The following CPEB1 variants were observed in gnomAD, a reference collection of about 807,000 sequenced individuals.
CPEB1 encodes cytoplasmic polyadenylation element binding protein 1, also known as cytoplasmic polyadenylation element-binding protein 1.
CPEB1 carries 7 observed loss-of-function variants against 65.8 expected under a neutral mutation model. That is an observed-to-expected ratio of 0.11 (90% confidence interval 0.06 to 0.20). The LOEUF (loss-of-function observed/expected upper bound fraction) is 0.20, where lower values mean the gene tolerates loss of function less well. Among genes scored for constraint, CPEB1 ranks in the 10% least tolerant of loss-of-function variants. The probability of loss-of-function intolerance (pLI) is 1.00; values close to 1 mark genes in which losing one functional copy is unlikely to be tolerated. For missense variants in CPEB1, 551 were observed against 712.2 expected (o/e 0.77, Z 2.58); for synonymous variants, 262 against 260.0 (o/e 1.01, Z -0.08).
chr15:82,577,034 G>A (rs2040722089), intron 3 of CPEB1, among the ~76,000 whole-genome samples: 1 of 151,986 alleles, frequency 6.6e-6, no homozygotes, highest in Non-Finnish European at 1.5e-5. Flanking sequence ...CCAAAAACAG[G>A]ACTCCATTAA....
intron 1 of CPEB1, among the ~76,000 whole-genome samples, chr15:82,642,054 T>C (rs1212462006): frequency 2.0e-5 from 3 of 152,248 alleles, no homozygotes; most frequent in Non-Finnish European, 4.4e-5. Context: ...ATACATGTTT[T>C]AGTTCAATCT....
chr15:82,577,354 C>T (rs1342923400), intron 3 of CPEB1, among the ~76,000 whole-genome samples: 1 of 151,874 alleles, frequency 6.6e-6, no homozygotes, highest in Non-Finnish European at 1.5e-5. Context: ...CCACTGTGCC[C>T]GACTGCAAAG....
chr15:82,601,160 G>A (rs115015612), intron 3 of CPEB1, among the ~76,000 whole-genome samples: 1,499 of 149,794 alleles, frequency 0.01, 14 homozygotes, highest in African/African-American at 0.011. Context: ...CCCCCACCTC[G>A]ACCTCCCAAA....
chr15:82,546,701 C>G (rs944865325), intron 11 of CPEB1, among the ~76,000 whole-genome samples, 180 bp from the exon 12 acceptor site: 1 of 152,168 alleles, frequency 6.6e-6, no homozygotes, highest in African/African-American at 2.4e-5. Flanking sequence ...GAAAGGAGTT[C>G]TAGAGGACAG....
chr15:82,549,333 G>A (rs996469948), intron 10 of CPEB1, 127 bp downstream of exon 10: 1 of 838,664 alleles, frequency 1.2e-6, no homozygotes, highest in South Asian at 1.6e-5. Context: ...AGATATTATG[G>A]TGCTGGTATA....
Position 82,555,899 on chromosome 15 carries a change from C to T in CPEB1, c.911G>A (p.Arg304Lys), listed in dbSNP as rs766390631. Reference sequence around the variant, plus strand: ...AGCTTGTCGGTGCAGCCTGGCCTCTCTCTCTATGCTGAAGGGGTCTTTGGG... The same window carrying T: ...AGCTTGTCGGTGCAGCCTGGCCTCTTTCTCTATGCTGAAGGGGTCTTTGGG... The part of the protein sequence containing the change: ...EAPKDPFSIE[R>K]EARLHRQAAA... Residue 304 changes from arginine (R) to lysine (K), a missense_variant, in exon 6 of 13, where the codon AGA (arginine) becomes AAA (lysine). Coordinates refer to ENST00000684509, the MANE Select transcript of CPEB1 (RefSeq NM_001365242.1). 6.2e-7 allele frequency: 1 copy of T among 1,613,492 alleles called. No individual in the cohort carries two copies. The highest frequency in any genetic ancestry group is 1.1e-5 in the South Asian group (1 of 90,902).
Position 82,570,208 on chromosome 15 carries a change from C to T in CPEB1, c.460+1136G>A, listed in dbSNP as rs2039800828. 2.6e-5 allele frequency among the ~76,000 whole-genome samples: 4 copies of T among 152,158 alleles called. No individual in the cohort carries two copies. The South Asian group carries it at 8.3e-4, about 32-fold the overall frequency. Reference sequence around the variant, plus strand: ...CTAACAGACACAACGGGCCCAGGCTCTGCAAAGCATTCTAAAAAAAGACCT... The same window carrying T: ...CTAACAGACACAACGGGCCCAGGCTTTGCAAAGCATTCTAAAAAAAGACCT... On this transcript the variant is annotated intron_variant, in intron 4 of 12. Coordinates refer to ENST00000684509, the MANE Select transcript of CPEB1 (RefSeq NM_001365242.1).
intron 3 of CPEB1, among the ~76,000 whole-genome samples, chr15:82,619,828 G>A (rs1433245221): frequency 6.6e-6 from 1 of 152,104 alleles, no homozygotes; most frequent in Non-Finnish European, 1.5e-5. Context: ...ACCACTGGAA[G>A]TGTAAACTGG....
chr15:82,605,327 A>G (rs2043468027), intron 3 of CPEB1, among the ~76,000 whole-genome samples: 2 of 152,178 alleles, frequency 1.3e-5, no homozygotes, highest in Non-Finnish European at 2.9e-5. Flanking sequence ...TACATAGGTA[A>G]ATATAATAGA....
upstream of CPEB1, chr15:82,647,801 T>G: frequency 7.9e-7 from 1 of 1,273,320 alleles, no homozygotes; most frequent in Non-Finnish European, 9.9e-7. Flanking sequence ...CGCGGACCGT[T>G]AGCTACTGCG....
chr15:82,607,859 G>A (rs1399524338), intron 3 of CPEB1, among the ~76,000 whole-genome samples: 3 of 152,118 alleles, frequency 2.0e-5, no homozygotes, highest in South Asian at 4.2e-4. Flanking sequence ...AATGATAGGA[G>A]AAACAGATAC....
intron 3 of CPEB1, among the ~76,000 whole-genome samples, chr15:82,607,101 T>C (rs1160531967): frequency 6.6e-6 from 1 of 151,640 alleles, no homozygotes; most frequent in Admixed American, 6.6e-5. Context: ...AAAGCAGTAA[T>C]GGAAGAATAG....
At chr15:82,614,684 G>A (rs182520688) in intron 3 of CPEB1, among the ~76,000 whole-genome samples, 2 of 151,966 alleles carry the variant, frequency 1.3e-5, no homozygotes, top group East Asian at 3.9e-4. Context: ...ACATGCACCA[G>A]GCCCAATACT....
At chr15:82,575,426 A>G (rs1430867945) in intron 3 of CPEB1, among the ~76,000 whole-genome samples, 1 of 152,198 alleles carries the variant, frequency 6.6e-6, no homozygotes, top group Non-Finnish European at 1.5e-5. Context: ...GGGTTTCTTT[A>G]TGTAGAGTAC....
intron 3 of CPEB1, among the ~76,000 whole-genome samples, chr15:82,619,922 T>A (rs2045137833): frequency 6.6e-6 from 1 of 152,006 alleles, no homozygotes; most frequent in Non-Finnish European, 1.5e-5. Context: ...CCTAGGAAGA[T>A]AACCAAGGGA....
At chr15:82,637,797 A>G (rs1050771890) in intron 1 of CPEB1, among the ~76,000 whole-genome samples, 11 of 151,660 alleles carry the variant, frequency 7.3e-5, no homozygotes, top group South Asian at 4.2e-4. Flanking sequence ...TGGTCTGAGG[A>G]CTCCTTTATA....
chr15:82,566,462 T>C (rs1391767609), intron 4 of CPEB1, among the ~76,000 whole-genome samples: 1 of 152,132 alleles, frequency 6.6e-6, no homozygotes, highest in Non-Finnish European at 1.5e-5. Context: ...ATTCATTCCA[T>C]GTATGAAAAC....
At chr15:82,647,092 G>C (rs1318256897) in intron 1 of CPEB1, 45 bp downstream of exon 1, 2 of 152,678 alleles carry the variant, frequency 1.3e-5, no homozygotes, top group African/African-American at 2.4e-5. Context: ...CGCCACCTCC[G>C]CGGCCTGCAA....
chr15:82,591,931 C>T (rs2042288137), intron 3 of CPEB1, among the ~76,000 whole-genome samples: 1 of 151,504 alleles, frequency 6.6e-6, no homozygotes, highest in Non-Finnish European at 1.5e-5. Context: ...GCAACCTCCA[C>T]TTCCCAGGTT....
Sources: allele counts gnomAD v4.1 joint callset (sites outside exome capture counted in the v4.1 genomes callset), GRCh38; gene constraint gnomAD v4.1.1; transcripts MANE v1.5; gene names NCBI Gene and HGNC (gene_info 2026-07-23, HGNC 2026-07-21).